SPATA16: variants seen among roughly 807,000 people sequenced by gnomAD.
SPATA16 encodes the protein spermatogenesis associated 16.
SPATA16 carries 36 observed loss-of-function variants against 63.3 expected under a neutral mutation model. That is an observed-to-expected ratio of 0.57 (90% CI 0.44 to 0.75). The LOEUF is 0.75. SPATA16 is among the 30% of genes least tolerant of loss of function. The probability of loss-of-function intolerance (pLI) is 0.00; values close to 1 mark genes in which losing one functional copy is unlikely to be tolerated. For missense variants in SPATA16, 646 were observed against 679.3 expected (o/e 0.95, Z 0.54); for synonymous variants, 203 against 216.7 (o/e 0.94, Z 0.56).
At chr3:173,068,567 T>C (rs1736581544) in intron 2 of SPATA16, among the ~76,000 whole-genome samples, 1 of 151,922 alleles carries the variant, frequency 6.6e-6, no homozygotes, top group African/African-American at 2.4e-5. Context: ...AAATGGAAAT[T>C]AAACAATATG....
chr3:172,966,947 A>G (rs1733931524), intron 5 of SPATA16, among the ~76,000 whole-genome samples: 2 of 152,200 alleles, frequency 1.3e-5, no homozygotes, highest in South Asian at 4.1e-4. Flanking sequence ...AATAGAAAAG[A>G]TAACCATAAA....
intron 5 of SPATA16, among the ~76,000 whole-genome samples, chr3:172,958,941 ACT>A (rs745954004): frequency 4.6e-5 from 7 of 152,134 alleles, no homozygotes; most frequent in Non-Finnish European, 8.8e-5. Context: ...ATGCAGTCTA[ACT>A]CTGAGGCACT....
At chr3:172,951,334 G>T (rs1198653663) in intron 6 of SPATA16, among the ~76,000 whole-genome samples, 4 of 151,944 alleles carry the variant, frequency 2.6e-5, no homozygotes, top group Non-Finnish European at 5.9e-5. Context: ...GTATAAACCT[G>T]GTTGATCTAC....
intron 2 of SPATA16, among the ~76,000 whole-genome samples, chr3:173,106,289 C>T (rs935107015): frequency 2.6e-5 from 4 of 152,160 alleles, no homozygotes; most frequent in Non-Finnish European, 5.9e-5. Flanking sequence ...CCTAGGAACA[C>T]CCAATTCCTT....
intron 6 of SPATA16, among the ~76,000 whole-genome samples, chr3:172,947,119 A>G (rs1437108727): frequency 2.6e-5 from 4 of 152,222 alleles, no homozygotes; most frequent in Non-Finnish European, 4.4e-5. Flanking sequence ...TGAGTCTGCC[A>G]GAGTCACAGT....
intron 4 of SPATA16, among the ~76,000 whole-genome samples, chr3:173,009,362 A>G (rs1735007992): frequency 6.6e-6 from 1 of 152,210 alleles, no homozygotes; most frequent in Non-Finnish European, 1.5e-5. Context: ...CGTGGGGGAA[A>G]GGGTGATTGA....
intron 1 of SPATA16, among the ~76,000 whole-genome samples, chr3:173,126,402 C>T (rs1033114720): frequency 1.3e-5 from 2 of 152,198 alleles, no homozygotes; most frequent in African/African-American, 4.8e-5. Context: ...TACATTTCCT[C>T]TTAAAACATA....
At chr3:173,000,199 G>T (rs552329119) in intron 4 of SPATA16, among the ~76,000 whole-genome samples, 1 of 152,312 alleles carries the variant, frequency 6.6e-6, no homozygotes, top group South Asian at 2.1e-4. Context: ...GACATAGAAG[G>T]AGCCATCTAT....
intron 3 of SPATA16, among the ~76,000 whole-genome samples, chr3:173,029,563 A>G (rs1400191851): frequency 6.6e-6 from 1 of 152,008 alleles, no homozygotes; most frequent in African/African-American, 2.4e-5. Context: ...AGAGAATGTG[A>G]ATATTTTGTA....
At chr3:172,892,439 C>A (rs1273069664) in intron 10 of SPATA16, among the ~76,000 whole-genome samples, 1 of 152,134 alleles carries the variant, frequency 6.6e-6, no homozygotes, top group Non-Finnish European at 1.5e-5. Context: ...ACATCAGAGC[C>A]AAGTAGTCCA....
chr3:173,133,962 C>G (rs1417096534), intron 1 of SPATA16, among the ~76,000 whole-genome samples: 1 of 150,566 alleles, frequency 6.6e-6, no homozygotes, highest in Non-Finnish European at 1.5e-5. Context: ...ACTCATAAGT[C>G]AAGCCACCAC....
At chr3:172,910,078 G>A (rs1389425250) in intron 10 of SPATA16, among the ~76,000 whole-genome samples, 19 of 150,616 alleles carry the variant, frequency 1.3e-4, no homozygotes, top group Admixed American at 1.2e-3. Flanking sequence ...CTCTACACCA[G>A]AGTACAGCAA....
intron 2 of SPATA16, among the ~76,000 whole-genome samples, chr3:173,083,952 CACAATAGCAAAGACTTGGA>C (rs1736984122): frequency 1.3e-5 from 2 of 151,954 alleles, no homozygotes; most frequent in South Asian, 4.2e-4. Flanking sequence ...ATGAAGTATT[CACAATAGCAAAGACTTGGA>C]ATCAACCTAA....
chr3:172,974,008 T>C (rs1734101324), intron 5 of SPATA16, among the ~76,000 whole-genome samples: 2 of 152,172 alleles, frequency 1.3e-5, no homozygotes, highest in African/African-American at 4.8e-5. Flanking sequence ...AAGTGATATA[T>C]CCCAGTGTGA....
chr3:172,901,534 C>T (rs1402709244), intron 10 of SPATA16, among the ~76,000 whole-genome samples: 2 of 152,204 alleles, frequency 1.3e-5, no homozygotes, highest in African/African-American at 4.8e-5. Context: ...TCTGACATCT[C>T]TGTTTTGGCA....
intron 5 of SPATA16, among the ~76,000 whole-genome samples, chr3:172,958,195 G>T (rs534120393): frequency 5.3e-4 from 80 of 152,230 alleles, no homozygotes; most frequent in Admixed American, 1.3e-3. Flanking sequence ...TGGAGTGCAT[G>T]GCAAATAAAG....
At chr3:172,922,797 C>A (rs775738000) in intron 8 of SPATA16, among the ~76,000 whole-genome samples, 1 of 152,126 alleles carries the variant, frequency 6.6e-6, no homozygotes, top group African/African-American at 2.4e-5. Context: ...GTGGCACATG[C>A]TGTAATCCCG....
intron 6 of SPATA16, among the ~76,000 whole-genome samples, chr3:172,940,156 T>TCAG (rs1733111857): frequency 6.6e-6 from 1 of 152,188 alleles, no homozygotes; most frequent in Non-Finnish European, 1.5e-5. Flanking sequence ...GTGATATCCC[T>TCAG]TATAATACAC....
At chr3:173,030,010 C>T (rs1735563977) in intron 3 of SPATA16, among the ~76,000 whole-genome samples, 1 of 151,918 alleles carries the variant, frequency 6.6e-6, no homozygotes, top group Non-Finnish European at 1.5e-5. Flanking sequence ...TAAGATATCA[C>T]AGGTAAGTGA....
Sources: gnomAD v4.1 joint callset for allele counts (sites outside exome capture counted in the v4.1 genomes callset) on GRCh38, gnomAD v4.1.1 for gene constraint, MANE v1.5 for transcripts, NCBI Gene and HGNC (gene_info 2026-07-23, HGNC 2026-07-21) for gene names.